Variants in PTP4A2 observed in about 807,000 individuals in gnomAD.
PTP4A2 encodes protein tyrosine phosphatase 4A2, also known as protein tyrosine phosphatase type IVA 2.
PTP4A2 carries 2 observed loss-of-function variants against 22.9 expected under a neutral mutation model. That is an observed-to-expected ratio of 0.09 (90% CI 0.04 to 0.27). The LOEUF is 0.27. Among genes scored for constraint, PTP4A2 ranks in the 10% least tolerant of loss-of-function variants. PTP4A2 has a pLI of 1.00. For missense variants in PTP4A2, 103 were observed against 205.1 expected (o/e 0.50, Z 3.04); for synonymous variants, 68 against 69.1 (o/e 0.98, Z 0.08).
chr1:31,908,920 A>G lies in PTP4A2; in HGVS notation c.436T>C (p.Leu146=), dbSNP rs751942426. The stretch of plus-strand genomic sequence containing the variant: ...CGCATCTTAGGTCGGTATTTCTCCA[A>G]ATAAAGCAGCTGTTTGGAATTGAAC... ...GAFNSKQLLY[L]EKYRPKMRLR... is the part of the protein sequence containing the mutation. Residue 146 remains leucine (L), a synonymous_variant, in exon 6 of 6, where the codon TTG becomes CTG. Transcript: ENST00000647444. 1 of 1,614,116 alleles carries G rather than the reference A, an allele frequency of 6.2e-7. No homozygotes were observed. The highest frequency in any genetic ancestry group is 1.7e-5 in the Admixed American group (1 of 60,026).
Position 31,919,096 on chromosome 1 carries a change from T to C in PTP4A2, c.-31A>G. The C allele has an allele frequency of 9.0e-7, 1 of 1,108,484 alleles. No individual in the cohort carries two copies. The highest frequency in any genetic ancestry group is 1.4e-6 in the Non-Finnish European group (1 of 731,668). The allele number at this position is 1,108,484 out of a possible 1,614,324, so 68.7% of individuals were successfully genotyped here. A position where few individuals can be genotyped will look rare whatever the true frequency, so the allele number is the denominator to read the frequency against. On this transcript the variant is annotated 5_prime_UTR_variant, in exon 2 of 6. Transcript: ENST00000647444. Reference sequence around the variant, plus strand: ...CAAATAAAAAGTGTGAGCGTGCGTGTGAGTGTGATGGGGAAAGTGAAAAAA... The same window carrying C: ...CAAATAAAAAGTGTGAGCGTGCGTGCGAGTGTGATGGGGAAAGTGAAAAAA...
intron 1 of PTP4A2, chr1:31,921,830 T>G (rs1446995099): frequency 2.0e-5 from 3 of 152,226 alleles, no homozygotes; most frequent in Non-Finnish European, 2.9e-5. Context: ...CTCAAGCTTT[T>G]TTTATGATAC....
chr1:31,927,959 C>T (rs10914504), intron 1 of PTP4A2, among the ~76,000 whole-genome samples: 38,847 of 151,536 alleles, frequency 0.26, 6,754 homozygotes, highest in African/African-American at 0.48. Flanking sequence ...ATTAGTAAAG[C>T]GTTTAATTAG....
In PTP4A2 at chr1:31,907,083, G is replaced by A. The variant is rs1369142452; in HGVS notation, c.*1769C>T. 6.6e-6 allele frequency: 1 copy of A among 152,342 alleles called. No individual in the cohort carries two copies. The highest frequency in any genetic ancestry group is 1.9e-4 in the East Asian group (1 of 5,194). The allele number at this position is 152,342 out of a possible 1,614,324, so 9.4% of individuals were successfully genotyped here. On this transcript the variant is annotated 3_prime_UTR_variant, in exon 6 of 6. Transcript: ENST00000647444. ...CGTTTAGTTAAAAATCAAAACTCCAGCATAGGAAATAGGCAGTTCACATAG... is the reference window on the plus strand; with the variant it reads ...CGTTTAGTTAAAAATCAAAACTCCAACATAGGAAATAGGCAGTTCACATAG...
intron 1 of PTP4A2, among the ~76,000 whole-genome samples, chr1:31,931,296 G>C (rs1223224370): frequency 2.0e-5 from 3 of 152,216 alleles, no homozygotes; most frequent in African/African-American, 7.2e-5. Context: ...AAAACTGGTA[G>C]AAACAGTGAA....
chr1:31,921,528 A>G (rs1391326919), intron 1 of PTP4A2: 1 of 152,210 alleles, frequency 6.6e-6, no homozygotes, highest in African/African-American at 2.4e-5. Context: ...CAGAATTTTT[A>G]TTATTATTTT....
intron 2 of PTP4A2, among the ~76,000 whole-genome samples, chr1:31,917,833 G>A (rs1651927032): frequency 6.6e-6 from 1 of 151,778 alleles, no homozygotes; most frequent in Non-Finnish European, 1.5e-5. Flanking sequence ...AATTAGCTGG[G>A]TGTGGTGGCG....
chr1:31,921,720 T>G (rs907769504), intron 1 of PTP4A2: 1 of 152,122 alleles, frequency 6.6e-6, no homozygotes, highest in Non-Finnish European at 1.5e-5. Flanking sequence ...CAGACAGAAA[T>G]AGGTATGAAA....
intron 1 of PTP4A2, among the ~76,000 whole-genome samples, chr1:31,923,329 CTTT>C (rs894382854): frequency 1.1e-4 from 12 of 113,952 alleles, no homozygotes; most frequent in Non-Finnish European, 2.0e-4. Context: ...GCCTCAACCT[CTTT>C]TTTTTTTTTT....
chr1:31,915,751 G>C, intron 3 of PTP4A2, 144 bp downstream of exon 3: 1 of 585,336 alleles, frequency 1.7e-6, no homozygotes, highest in East Asian at 3.0e-5. Flanking sequence ...CATTGCCCAG[G>C]CTGGTCTTGA....
chr1:31,915,645 T>C (rs967816841), intron 3 of PTP4A2: 12 of 284,780 alleles, frequency 4.2e-5, no homozygotes, highest in Non-Finnish European at 7.3e-5. Context: ...GCTCAAGTGA[T>C]TCCCTCACCT....
At chr1:31,921,842 CTT>C (rs1652171051) in intron 1 of PTP4A2, 1 of 152,104 alleles carries the variant, frequency 6.6e-6, no homozygotes, top group Non-Finnish European at 1.5e-5. Context: ...TTATGATACT[CTT>C]ATGGCATTTT....
chr1:31,909,028 AT>A, intron 5 of PTP4A2, 68 bp from the exon 6 acceptor site: 1 of 1,120,414 alleles, frequency 8.9e-7, no homozygotes, highest in Non-Finnish European at 1.4e-6. Context: ...GAAATGCATT[AT>A]TTACATCCTA....
intron 3 of PTP4A2, among the ~76,000 whole-genome samples, chr1:31,913,309 G>A (rs1364336067): frequency 1.3e-5 from 2 of 152,156 alleles, no homozygotes; most frequent in African/African-American, 4.8e-5. Flanking sequence ...CCAAGCTTAA[G>A]GCTAAATGCC....
intron 1 of PTP4A2, among the ~76,000 whole-genome samples, chr1:31,936,956 A>G (rs1652962093): frequency 6.6e-6 from 1 of 152,244 alleles, no homozygotes; most frequent in Non-Finnish European, 1.5e-5. Flanking sequence ...TAGAATTGCT[A>G]GTCACTGCTA....
intron 1 of PTP4A2, among the ~76,000 whole-genome samples, 166 bp from the exon 2 acceptor site, chr1:31,919,824 G>A (rs138672378): frequency 6.4e-4 from 97 of 152,272 alleles, no homozygotes; most frequent in African/African-American, 2.3e-3. Context: ...ATTATGAAGA[G>A]TTTTAAAAAT....
rs1651245115 is a variant in PTP4A2, at chr1:31,907,548, T to C, written c.*1304A>G. On this transcript the variant is annotated 3_prime_UTR_variant, in exon 6 of 6. Transcript: ENST00000647444. ...GACACATACTCACTAGGCATCATTG[T>C]TGGTTTTAAACCAGGGATTTTTTTT... 1 of 152,188 alleles carries C rather than the reference T, an allele frequency of 6.6e-6. No individual in the cohort carries two copies. The highest frequency in any genetic ancestry group is 1.5e-5 in the Non-Finnish European group (1 of 68,032). 9.4% of individuals were successfully genotyped at this position (152,188 alleles called of 1,614,324 possible). A position where few individuals can be genotyped will look rare whatever the true frequency, so the allele number is the denominator to read the frequency against.
chr1:31,907,039 G>C lies in PTP4A2; in HGVS notation c.*1813C>G, dbSNP rs1329922043. On this transcript the variant is annotated 3_prime_UTR_variant, in exon 6 of 6. Transcript: ENST00000647444. ...TGTTTTGTTTTCTGGGATGGGAGAG[G>C]AGAGAATCTACAGATTTGCGTTTAG... is the stretch of plus-strand genomic sequence containing the variant. 2.0e-5 allele frequency: 3 copies of C among 152,164 alleles called. No homozygotes were observed. The highest frequency in any genetic ancestry group is 6.5e-5 in the Admixed American group (1 of 15,276). The allele number at this position is 152,164 out of a possible 1,614,324, so 9.4% of individuals were successfully genotyped here.
chr1:31,909,477 C>A (rs1172056112), intron 5 of PTP4A2, among the ~76,000 whole-genome samples: 1 of 152,070 alleles, frequency 6.6e-6, no homozygotes, highest in Non-Finnish European at 1.5e-5. Context: ...AGATTGAGAT[C>A]ATCCTGGCCA....
Sources: allele counts gnomAD v4.1 joint callset (sites outside exome capture counted in the v4.1 genomes callset), GRCh38; gene constraint gnomAD v4.1.1; transcripts MANE v1.5; gene names NCBI Gene and HGNC (gene_info 2026-07-23, HGNC 2026-07-21).